PNN: variants seen among roughly 807,000 people sequenced by gnomAD.
PNN encodes the protein pinin.
A neutral mutation model predicts 76.6 loss-of-function variants in PNN; 38 were observed. That is an observed-to-expected ratio of 0.50 (90% CI 0.38 to 0.65). The LOEUF is 0.65. Among genes scored for constraint, PNN ranks in the 30% least tolerant of loss-of-function variants. PNN has a pLI of 0.00. For missense variants in PNN, 873 were observed against 874.1 expected (o/e 1.00, Z 0.02); for synonymous variants, 366 against 283.7 (o/e 1.29, Z -2.91).
chr14:39,175,259 C>T lies in PNN; in HGVS notation c.-21C>T. Reference sequence around the variant, plus strand: ...CCCGGCTCGGCCTGTAAAGCAGTCTCAAGCCTGCCGCAGGGAGAAGATGGC... The same window carrying T: ...CCCGGCTCGGCCTGTAAAGCAGTCTTAAGCCTGCCGCAGGGAGAAGATGGC... On this transcript the variant is annotated 5_prime_UTR_variant, in exon 1 of 9. Transcript: ENST00000216832. The T allele has an allele frequency of 2.0e-6, 3 of 1,510,250 alleles. No homozygotes were observed. The highest frequency in any genetic ancestry group is 2.2e-4 in the Middle Eastern group (1 of 4,552). 93.6% of individuals were successfully genotyped at this position (1,510,250 alleles called of 1,614,324 possible).
At position 39,181,661 on chromosome 14, in the gene PNN, A is replaced by T. The variant is rs1179730902; in HGVS notation, c.1952A>T (p.Asp651Val). 6.2e-7 allele frequency: 1 copy of T among 1,614,114 alleles called. No homozygotes were observed. The highest frequency in any genetic ancestry group is 8.5e-7 in the Non-Finnish European group (1 of 1,179,966). Residue 651 changes from aspartate to valine, a missense_variant, in exon 9 of 9, where the codon GAT (aspartate) becomes GTT (valine). By Grantham distance (152) the Asp-to-Val change is radical (BLOSUM62 -3). This residue lies in a region of PNN where 712 missense variants were observed against 693.1 expected (regional missense o/e 1.03). Transcript: ENST00000216832. ...GATAGAAAGCACAGAAGGAGCGTGG[A>T]TCGGAAGAGAAGGGATACTTCAGGA... ...NRDRKHRRSV[D>V]RKRRDTSGLE...
rs755422387 is a variant in PNN, at chr14:39,181,445, G to A, written c.1736G>A (p.Ser579Asn). Residue 579 changes from serine (S) to asparagine (N), a missense_variant, in exon 9 of 9, where the codon AGC becomes AAC. Physicochemically the swap from Ser to Asn is conservative, Grantham distance 46. This residue lies in a region of PNN where 712 missense variants were observed against 693.1 expected (regional missense o/e 1.03). Coordinates refer to ENST00000216832, the MANE Select transcript of PNN (RefSeq NM_002687.4). ...AGCAAGAGTAGAAGTCGAAGCAGTA[G>A]CAGTAGCAGTTCTAGTAGCAGTTCA... ...KTSKSRSRSS[S>N]SSSSSSSSTS... The A allele has an allele frequency of 6.8e-6, 11 of 1,613,488 alleles. No homozygotes were observed. Among genetic ancestry groups the A allele is most frequent in the Non-Finnish European group, 9.3e-6 (11 of 1,179,714 alleles).
rs2053221144 is a variant in PNN, at chr14:39,176,110, G to C, written c.146G>C (p.Gly49Ala). The C allele has an allele frequency of 2.2e-5, 36 of 1,610,766 alleles. No individual in the cohort carries two copies. Among genetic ancestry groups the C allele is most frequent in the Non-Finnish European group, 3.1e-5 (36 of 1,176,982 alleles). The change falls in exon 2 of 9, where the codon GGT (glycine) becomes GCT (alanine). Residue 49 changes from glycine (G) to alanine (A), a missense_variant. Gly to Ala is a moderately conservative substitution (Grantham distance 60, BLOSUM62 0). This residue lies in a region of PNN where 156 missense variants were observed against 161.7 expected (regional missense o/e 0.96). Transcript: ENST00000216832. ...CAAGCCAGATTGCTGGCCCTTTCTG[G>C]TCCTGGTGGAGGTAGAGGACGTGGT... Reference protein sequence around the residue: ...PIQARLLALSGPGGGRGRGSL... With the variant: ...PIQARLLALSAPGGGRGRGSL...
rs1420411823 is a variant in PNN, at chr14:39,181,080, GTCTGAGGAAAAAGAAGAAAAAGAA to G, written c.1378_1401del (p.Glu460_Glu467del). On this transcript the variant is annotated inframe_deletion, in exon 9 of 9. Coordinates refer to ENST00000216832, the MANE Select transcript of PNN (RefSeq NM_002687.4). ...TCAGTGCTTTAGACATGGAAAAGGA[GTCTGAGGAAAAAGAAGAAAAAGAA>G]TCTGAGCCCCAACCTGAGCCTGTGG... 1.2e-6 allele frequency: 2 copies of G among 1,613,912 alleles called. No individual in the cohort carries two copies. The highest frequency in any genetic ancestry group is 1.7e-5 in the Admixed American group (1 of 59,984).
intron 1 of PNN, chr14:39,175,706 C>T (rs1360422476): frequency 4.3e-6 from 2 of 470,070 alleles, no homozygotes; most frequent in East Asian, 4.4e-5. Context: ...GCACAAAGCC[C>T]CTTCCCGCTC....
intron 8 of PNN, among the ~76,000 whole-genome samples, 161 bp downstream of exon 8, chr14:39,179,623 G>A (rs1289928169): frequency 3.3e-5 from 5 of 151,950 alleles, no homozygotes; most frequent in Admixed American, 1.3e-4. Context: ...GCCGGGCGTG[G>A]TGGCTCACGC....
chr14:39,176,319 T>A, intron 2 of PNN, 170 bp downstream of exon 2: 1 of 630,720 alleles, frequency 1.6e-6, no homozygotes, highest in East Asian at 2.8e-5. Flanking sequence ...CCTGAAAAAC[T>A]GGAGGTTGAA....
chr14:39,181,496 C>G lies in PNN; in HGVS notation c.1787C>G (p.Ser596Cys), dbSNP rs1382966530. 1 of 1,602,126 alleles carries G rather than the reference C, an allele frequency of 6.2e-7. No individual in the cohort carries two copies. Among genetic ancestry groups the G allele is most frequent in the Non-Finnish European group, 8.5e-7 (1 of 1,174,184 alleles). The change falls in exon 9 of 9, where the codon TCC becomes TGC. Residue 596 changes from serine (S) to cysteine (C), a missense_variant. Transcript: ENST00000216832. ...SSTSSSSGSS[S>C]SSGSSSSRSS... ...ACCAGTAGCAGCAGTGGAAGTAGTT[C>G]CAGCAGTGGAAGTAGTAGCAGTCGC...
At chr14:39,177,358 C>A in intron 3 of PNN, 54 bp from the exon 4 acceptor site, 1 of 1,459,646 alleles carries the variant, frequency 6.9e-7, no homozygotes, top group Non-Finnish European at 9.5e-7. Flanking sequence ...TGCACTTCAG[C>A]CTGGGTGGTA....
At chr14:39,175,575 C>T (rs2053213851) in intron 1 of PNN, among the ~76,000 whole-genome samples, 183 bp downstream of exon 1, 1 of 152,200 alleles carries the variant, frequency 6.6e-6, no homozygotes, top group African/African-American at 2.4e-5. Context: ...CTCCGTAGAG[C>T]GCTGGTCTCA....
At chr14:39,176,318 C>T (rs1307913106) in intron 2 of PNN, 169 bp downstream of exon 2, 1 of 629,322 alleles carries the variant, frequency 1.6e-6, no homozygotes. Flanking sequence ...TCCTGAAAAA[C>T]TGGAGGTTGA....
Position 39,177,831 on chromosome 14 carries a change from T to C in PNN, c.423-10T>C. ...CTGTTGACAGTAAATTTTCTTATTC[T>C]GTTCTTTAGGAACCGGCGAATATTT... On this transcript the variant is annotated splice_polypyrimidine_tract_variant and intron_variant, in intron 5 of 8. Transcript: ENST00000216832. 1.2e-6 allele frequency: 2 copies of C among 1,603,520 alleles called. No individual in the cohort carries two copies. The highest frequency in any genetic ancestry group is 1.7e-6 in the Non-Finnish European group (2 of 1,170,866).
chr14:39,182,873 T>C lies in PNN; in HGVS notation c.*1010T>C, dbSNP rs753261873. The stretch of plus-strand genomic sequence containing the variant: ...ATTATTAACTTTGTTGTTTTACAAA[T>C]TTGTATGAACTTGGAGTATCTGTTG... On this transcript the variant is annotated 3_prime_UTR_variant, in exon 9 of 9. Transcript: ENST00000216832. 6.5e-6 allele frequency: 1 copy of C among 152,672 alleles called. No homozygotes were observed. Among genetic ancestry groups the C allele is most frequent in the Non-Finnish European group, 1.5e-5 (1 of 68,040 alleles). The allele number at this position is 152,672 out of a possible 1,614,324, so 9.5% of individuals were successfully genotyped here. A position where few individuals can be genotyped will look rare whatever the true frequency, so the allele number is the denominator to read the frequency against.
intron 1 of PNN, 98 bp downstream of exon 1, chr14:39,175,490 CTG>C: frequency 1.3e-6 from 1 of 766,202 alleles, no homozygotes; most frequent in Non-Finnish European, 2.3e-6. Context: ...CTTAAGAAGA[CTG>C]GAACCTCGAG....
chr14:39,177,399 T>C lies in PNN; in HGVS notation c.255-13T>C. On this transcript the variant is annotated splice_polypyrimidine_tract_variant and intron_variant, in intron 3 of 8. Coordinates refer to ENST00000216832, the MANE Select transcript of PNN (RefSeq NM_002687.4). ...AAACCCTGTCTCAAAAAAATTAATA[T>C]TTTCTATGACAGGCTGGGCGGGGAG... is the stretch of plus-strand genomic sequence containing the variant. The C allele has an allele frequency of 6.2e-7, 1 of 1,611,932 alleles. No individual in the cohort carries two copies. The highest frequency in any genetic ancestry group is 8.5e-7 in the Non-Finnish European group (1 of 1,178,584).
chr14:39,180,461 C>CT (rs1463239391), intron 8 of PNN, 42 bp from the exon 9 acceptor site: 2 of 1,489,094 alleles, frequency 1.3e-6, no homozygotes, highest in Non-Finnish European at 1.8e-6. Context: ...TTTGAATTTT[C>CT]TTAATCGGTA....
chr14:39,175,828 C>T, intron 1 of PNN: 1 of 507,666 alleles, frequency 2.0e-6, no homozygotes, highest in South Asian at 2.3e-5. Flanking sequence ...GGGATGGGGA[C>T]CTGATCCAGG....
At position 39,180,825 on chromosome 14, in the gene PNN, A is replaced by C; in HGVS notation, c.1116A>C (p.Val372=). ...MEVKMEEETE[V]RESEKQQDSQ... ...TTAAGATGGAGGAGGAAACTGAGGTAAGGGAAAGTGAGAAGCAGCAGGATA... is the reference window on the plus strand; with the variant it reads ...TTAAGATGGAGGAGGAAACTGAGGTCAGGGAAAGTGAGAAGCAGCAGGATA... Residue 372 remains valine, a synonymous_variant, in exon 9 of 9, where the codon GTA becomes GTC. Coordinates refer to ENST00000216832, the MANE Select transcript of PNN (RefSeq NM_002687.4). 6.2e-7 allele frequency: 1 copy of C among 1,614,008 alleles called. No individual in the cohort carries two copies. The highest frequency in any genetic ancestry group is 1.7e-5 in the Admixed American group (1 of 60,004).
chr14:39,175,719 G>A (rs1350907652), intron 1 of PNN: 2 of 464,134 alleles, frequency 4.3e-6, no homozygotes, highest in Admixed American at 4.1e-5. Context: ...TCCCGCTCCG[G>A]CGGACACCCG....
Sources: allele counts gnomAD v4.1 joint callset (sites outside exome capture counted in the v4.1 genomes callset), GRCh38; gene constraint gnomAD v4.1.1; regional missense constraint gnomAD v4.1.1; transcripts MANE v1.5; gene names NCBI Gene and HGNC (gene_info 2026-07-23, HGNC 2026-07-21).